Variants in THSD7A observed in about 807,000 individuals in gnomAD.
The protein encoded by THSD7A is thrombospondin type-1 domain-containing protein 7A.
Under a neutral mutation model 231.3 loss-of-function variants are expected in THSD7A, and 96 were observed. That is an observed-to-expected ratio of 0.41 (90% CI 0.35 to 0.49). The LOEUF is 0.49. Among genes scored for constraint, THSD7A ranks in the 20% least tolerant of loss-of-function variants. THSD7A has a pLI of 0.05. For missense variants in THSD7A, 2,290 were observed against 2,070.2 expected, an observed-to-expected ratio of 1.11 and a Z score of -2.06; for synonymous variants, 940 against 743.3, an observed-to-expected ratio of 1.26 and a Z score of -4.30.
At chr7:11,688,678 G>A (rs993990754) in intron 1 of THSD7A, among the ~76,000 whole-genome samples, 3 of 151,922 alleles carry the variant, frequency 2.0e-5, no homozygotes, top group East Asian at 2.0e-4. Context: ...CTGAATAGGA[G>A]AAGGAAGTGT....
At chr7:11,683,728 TA>T (rs371798613) in intron 1 of THSD7A, among the ~76,000 whole-genome samples, 21 of 151,750 alleles carry the variant, frequency 1.4e-4, no homozygotes, top group Admixed American at 5.3e-4. Flanking sequence ...GAATGAGTGA[TA>T]AAAAAACTAC....
chr7:11,547,920 A>T (rs1789465570), intron 4 of THSD7A, among the ~76,000 whole-genome samples: 1 of 152,180 alleles, frequency 6.6e-6, no homozygotes, highest in Non-Finnish European at 1.5e-5. Context: ...AAAATTCTCA[A>T]ATTAACAACA....
At chr7:11,475,935 CTTTT>C (rs553018024) in intron 7 of THSD7A, among the ~76,000 whole-genome samples, 6 of 110,756 alleles carry the variant, frequency 5.4e-5, no homozygotes, top group South Asian at 6.0e-4. Context: ...AAATACTTTC[CTTTT>C]TTTTTTTTTT....
chr7:11,571,754 G>A (rs913128115), intron 4 of THSD7A, among the ~76,000 whole-genome samples: 19 of 151,864 alleles, frequency 1.3e-4, no homozygotes, highest in African/African-American at 4.1e-4. Context: ...TTCATTGTCT[G>A]AGATTTCAAC....
At chr7:11,721,454 G>C (rs994173177) in intron 1 of THSD7A, among the ~76,000 whole-genome samples, 4 of 151,658 alleles carry the variant, frequency 2.6e-5, no homozygotes, top group Non-Finnish European at 5.9e-5. Context: ...CTGCCCCTTT[G>C]CCTTCTGCCA....
rs576327075 is a variant in THSD7A, at chr7:11,519,462, G to A, written c.1822+21957C>T. 3.3e-5 allele frequency among the ~76,000 whole-genome samples: 5 copies of A among 152,282 alleles called. No individual in the cohort carries two copies. The South Asian group carries it at 1.0e-3, about 32-fold the overall frequency. ...GGCAGGATTCCTAAGCCATTGGTCA[G>A]AACTATGTTCACTTCGCTAGGTACT... On this transcript the variant is annotated intron_variant, in intron 6 of 27. Transcript: ENST00000423059.
At chr7:11,475,177 A>G (rs1786107798) in intron 7 of THSD7A, among the ~76,000 whole-genome samples, 3 of 152,126 alleles carry the variant, frequency 2.0e-5, no homozygotes. Flanking sequence ...TAAAGAAGCT[A>G]TTAGTGTGAA....
At chr7:11,542,299 T>A (rs972145037) in intron 5 of THSD7A, among the ~76,000 whole-genome samples, 8 of 152,202 alleles carry the variant, frequency 5.3e-5, no homozygotes, top group African/African-American at 1.9e-4. Flanking sequence ...CAAGTCTGTT[T>A]ATTGCTATGT....
At chr7:11,622,681 G>C (rs1781354209) in intron 2 of THSD7A, among the ~76,000 whole-genome samples, 1 of 152,014 alleles carries the variant, frequency 6.6e-6, no homozygotes, top group Admixed American at 6.6e-5. Context: ...GGACCACCAG[G>C]GTTTCACTTG....
rs1437345882 is a variant in THSD7A, at chr7:11,538,435, G to A, written c.1822+2984C>T. ...AATAATACTTTTTTCCCCTTGCTCC[G>A]GTCCAATAGCCTGGTTTGTTCAGCC... On this transcript the variant is annotated intron_variant, in intron 6 of 27. Transcript: ENST00000423059. Among the ~76,000 whole-genome samples, 27 of 151,944 alleles carry A rather than the reference G, an allele frequency of 1.8e-4. 1 individual carries two copies. Among genetic ancestry groups the A allele is most frequent in the Admixed American group, 1.8e-3 (27 of 15,254 alleles).
At chr7:11,793,371 G>A (rs1784018622) in intron 1 of THSD7A, among the ~76,000 whole-genome samples, 1 of 151,850 alleles carries the variant, frequency 6.6e-6, no homozygotes, top group Non-Finnish European at 1.5e-5. Flanking sequence ...AGGAACTAGA[G>A]AGTGAACTTG....
intron 1 of THSD7A, among the ~76,000 whole-genome samples, chr7:11,721,196 C>A (rs893264769): frequency 6.6e-6 from 1 of 151,724 alleles, no homozygotes; most frequent in African/African-American, 2.4e-5. Flanking sequence ...TGGGTCATGG[C>A]CCTGCATTCC....
chr7:11,501,843 AGTTT>A (rs1353049923), intron 6 of THSD7A, among the ~76,000 whole-genome samples: 1 of 152,216 alleles, frequency 6.6e-6, no homozygotes, highest in East Asian at 1.9e-4. Context: ...TGAATCCAGC[AGTTT>A]GTTTTTTTGA....
chr7:11,481,847 T>C lies in THSD7A; in HGVS notation c.1958A>G (p.Lys653Arg). ...TCGTATCTGTTTCCCTTCTGTCGTTTTCCCTGAGCAGGTGTGTGAGCAGGA... is the reference window on the plus strand; with the variant it reads ...TCGTATCTGTTTCCCTTCTGTCGTTCTCCCTGAGCAGGTGTGTGAGCAGGA... ...WSSCSHTCSG[K>R]TTEGKQIRAR... Residue 653 changes from lysine (K) to arginine (R), a missense_variant, in exon 7 of 28, where the codon AAA becomes AGA. Transcript: ENST00000423059. 1 of 1,613,774 alleles carries C rather than the reference T, an allele frequency of 6.2e-7. No individual in the cohort carries two copies. The highest frequency in any genetic ancestry group is 8.5e-7 in the Non-Finnish European group (1 of 1,179,714).
chr7:11,566,965 T>TGA (rs1554339241), intron 4 of THSD7A, among the ~76,000 whole-genome samples: 3 of 92,308 alleles, frequency 3.2e-5, no homozygotes, highest in African/African-American at 1.7e-4. Context: ...TGTGGGAGAG[T>TGA]GGGGGGGGGA....
intron 6 of THSD7A, among the ~76,000 whole-genome samples, chr7:11,503,761 A>T (rs1712336891): frequency 1.3e-5 from 2 of 152,228 alleles, no homozygotes; most frequent in Admixed American, 1.3e-4. Flanking sequence ...ACAGCGAGGT[A>T]CCATCTTACA....
In THSD7A at chr7:11,374,918, T is replaced by A. The variant is rs1306199733; in HGVS notation, c.*876A>T. ...TCATGCCACTCTTGGCACAGATGTC[T>A]TCATCCCACATGAAAAGAGGCAGTT... On this transcript the variant is annotated 3_prime_UTR_variant, in exon 28 of 28. Transcript: ENST00000423059. The A allele has an allele frequency of 2.0e-5, 3 of 152,076 alleles. No homozygotes were observed. Among genetic ancestry groups the A allele is most frequent in the Non-Finnish European group, 4.4e-5 (3 of 67,980 alleles). 9.4% of individuals were successfully genotyped at this position (152,076 alleles called of 1,614,324 possible). A position where few individuals can be genotyped will look rare whatever the true frequency, so the allele number is the denominator to read the frequency against.
chr7:11,607,346 C>A (rs772288179), intron 2 of THSD7A, among the ~76,000 whole-genome samples: 4 of 152,030 alleles, frequency 2.6e-5, no homozygotes, highest in Non-Finnish European at 5.9e-5. Context: ...TTAAGATATT[C>A]CTAAACTGCC....
At chr7:11,586,643 TC>T (rs1779919691) in intron 4 of THSD7A, among the ~76,000 whole-genome samples, 1 of 152,224 alleles carries the variant, frequency 6.6e-6, no homozygotes, top group Non-Finnish European at 1.5e-5. Context: ...AAAAGCTTTT[TC>T]TAAAGTGGGT....
Sources: gnomAD v4.1 joint callset for allele counts (sites outside exome capture counted in the v4.1 genomes callset) on GRCh38, gnomAD v4.1.1 for gene constraint, MANE v1.5 for transcripts, NCBI Gene and HGNC (gene_info 2026-07-23, HGNC 2026-07-21) for gene names.